The following STPG2 variants were observed in gnomAD, a reference collection of about 807,000 sequenced individuals.
STPG2 encodes sperm-tail PG-rich repeat-containing protein 2.
STPG2 carries 56 observed loss-of-function variants against 54.2 expected under a neutral mutation model. The observed-to-expected ratio is 1.03, with a 90% CI of 0.83 to 1.29. STPG2 has a LOEUF of 1.29. Ranked by LOEUF, STPG2 falls within the 50% of genes most tolerant of loss-of-function variation. The pLI is 0.00. For synonymous variants in STPG2, 200 were observed against 181.8 expected (o/e 1.10, Z -0.81); for missense variants, 596 against 544.9 (o/e 1.09, Z -0.93).
chr4:97,595,646 G>A (rs1733270531), intron 10 of STPG2, among the ~76,000 whole-genome samples: 1 of 151,448 alleles, frequency 6.6e-6, no homozygotes, highest in Non-Finnish European at 1.5e-5. Flanking sequence ...TTCCAACCAA[G>A]AATTTAATAT....
At chr4:97,865,782 T>A (rs1202866830) in intron 8 of STPG2, among the ~76,000 whole-genome samples, 7 of 151,958 alleles carry the variant, frequency 4.6e-5, no homozygotes, top group Admixed American at 4.6e-4. Flanking sequence ...CACACCAACA[T>A]GGCAGATGTA....
intron 4 of STPG2, among the ~76,000 whole-genome samples, chr4:97,550,801 A>C (rs1231676933): frequency 1.3e-5 from 2 of 150,518 alleles, no homozygotes; most frequent in African/African-American, 4.9e-5. Flanking sequence ...GAAGCCACAG[A>C]CCTCCGCAGT....
intron 6 of STPG2, among the ~76,000 whole-genome samples, chr4:97,973,151 A>G (rs1734391486): frequency 6.6e-6 from 1 of 152,200 alleles, no homozygotes; most frequent in South Asian, 2.1e-4. Context: ...GACTTGTTGA[A>G]TGGCTTTGAC....
At chr4:97,721,799 GA>G (rs1373778252) in intron 9 of STPG2, among the ~76,000 whole-genome samples, 3 of 152,010 alleles carry the variant, frequency 2.0e-5, no homozygotes, top group African/African-American at 7.2e-5. Flanking sequence ...GTACACATCA[GA>G]AACTGTAAAA....
At chr4:97,787,343 C>T (rs1363220474) in intron 9 of STPG2, among the ~76,000 whole-genome samples, 1 of 152,028 alleles carries the variant, frequency 6.6e-6, no homozygotes, top group Admixed American at 6.6e-5. Context: ...TAATATTAAT[C>T]AGAGTTGAAT....
At chr4:97,600,692 C>A (rs993065917) in intron 10 of STPG2, among the ~76,000 whole-genome samples, 8 of 152,060 alleles carry the variant, frequency 5.3e-5, no homozygotes, top group African/African-American at 1.4e-4. Context: ...CATACACACA[C>A]AAAAAATAGC....
At chr4:97,882,598 C>A (rs756697273) in intron 8 of STPG2, among the ~76,000 whole-genome samples, 1 of 152,094 alleles carries the variant, frequency 6.6e-6, no homozygotes. Flanking sequence ...GCCCCTCATA[C>A]CACTAGCAAG....
intron 1 of STPG2, among the ~76,000 whole-genome samples, chr4:98,137,058 G>C (rs1475141723): frequency 1.3e-5 from 2 of 151,740 alleles, no homozygotes; most frequent in African/African-American, 4.8e-5. Context: ...AAAAGGCGGA[G>C]ATTGTCAGAT....
At chr4:97,563,323 T>G (rs892043182) in intron 10 of STPG2, among the ~76,000 whole-genome samples, 2 of 149,492 alleles carry the variant, frequency 1.3e-5, no homozygotes, top group Non-Finnish European at 2.9e-5. Context: ...TCTATTTGAT[T>G]CTTCTGTCTT....
intron 8 of STPG2, among the ~76,000 whole-genome samples, chr4:97,858,751 AGTATTCCATG>A (rs1729414481): frequency 6.6e-6 from 1 of 152,182 alleles, no homozygotes; most frequent in African/African-American, 2.4e-5. Flanking sequence ...ATTGCTGAGT[AGTATTCCATG>A]GTGTACGTAT....
At chr4:97,665,109 C>A (rs1722484365) in intron 10 of STPG2, among the ~76,000 whole-genome samples, 1 of 152,128 alleles carries the variant, frequency 6.6e-6, no homozygotes, top group South Asian at 2.1e-4. Context: ...AACTGCAGAG[C>A]CCCAAAGAGG....
rs1159894155 is a variant in STPG2 at position 97,937,443 on chromosome 4, T to C, written c.1044+6454A>G. ...TTGCTGAAGAGGTGTTGTGATCATTTCGAGGAGAAGAAGCACTCTGTCCTT... is the reference window on the plus strand; with the variant it reads ...TTGCTGAAGAGGTGTTGTGATCATTCCGAGGAGAAGAAGCACTCTGTCCTT... On this transcript the variant is annotated intron_variant, in intron 8 of 10. Transcript: ENST00000295268. Among the ~76,000 whole-genome samples the C allele has an allele frequency of 2.6e-5, 4 of 152,160 alleles. No individual in the cohort carries two copies. The East Asian group carries it at 7.7e-4, about 29-fold the overall frequency.
intron 10 of STPG2, among the ~76,000 whole-genome samples, chr4:97,631,748 T>C (rs1721288001): frequency 6.6e-6 from 1 of 152,072 alleles, no homozygotes; most frequent in African/African-American, 2.4e-5. Context: ...ATGTTTTTGT[T>C]AGATTGTGCT....
intron 9 of STPG2, among the ~76,000 whole-genome samples, chr4:97,747,010 T>C (rs1035960826): frequency 7.9e-6 from 1 of 127,222 alleles, no homozygotes; most frequent in African/African-American, 2.6e-5. Flanking sequence ...TCTGTTTTTA[T>C]ACAAAAAAAA....
At chr4:97,586,842 A>G (rs1733013951) in intron 10 of STPG2, among the ~76,000 whole-genome samples, 1 of 151,942 alleles carries the variant, frequency 6.6e-6, no homozygotes, top group Non-Finnish European at 1.5e-5. Context: ...TGTAGAGAGA[A>G]AGGAAATAAT....
chr4:97,546,660 G>T (rs1731840217), intron 4 of STPG2, among the ~76,000 whole-genome samples: 2 of 152,110 alleles, frequency 1.3e-5, no homozygotes, highest in Non-Finnish European at 2.9e-5. Context: ...TGCATCCAAT[G>T]TTGCTAAAAA....
At chr4:97,891,409 A>C (rs1730765488) in intron 8 of STPG2, among the ~76,000 whole-genome samples, 1 of 152,104 alleles carries the variant, frequency 6.6e-6, no homozygotes, top group Non-Finnish European at 1.5e-5. Flanking sequence ...CATTTTGAGA[A>C]CAGTAATATC....
intron 5 of STPG2, among the ~76,000 whole-genome samples, chr4:98,050,321 A>T (rs552944160): frequency 6.6e-6 from 1 of 152,372 alleles, no homozygotes; most frequent in South Asian, 2.1e-4. Context: ...AGGAAAGTAG[A>T]AATAAAACAT....
intron 8 of STPG2, among the ~76,000 whole-genome samples, chr4:97,928,224 C>T (rs1383601398): frequency 1.1e-4 from 16 of 152,190 alleles, no homozygotes; most frequent in Non-Finnish European, 1.5e-5. Flanking sequence ...CTAAACTCAT[C>T]TGGTAGGGCA....
Sources: gnomAD v4.1 joint callset for allele counts (sites outside exome capture counted in the v4.1 genomes callset) on GRCh38, gnomAD v4.1.1 for gene constraint, MANE v1.5 for transcripts, NCBI Gene and HGNC (gene_info 2026-07-23, HGNC 2026-07-21) for gene names.